The following DOCK3 variants were observed in gnomAD, a reference collection of about 807,000 sequenced individuals.
DOCK3 encodes the protein dedicator of cytokinesis protein 3.
Under a neutral mutation model 265.6 loss-of-function variants are expected in DOCK3, and 60 were observed. That is an observed-to-expected ratio of 0.23 (90% CI 0.18 to 0.28). The LOEUF (loss-of-function observed/expected upper bound fraction) is 0.28, where lower values mean the gene tolerates loss of function less well. DOCK3 is among the 10% of genes least tolerant of loss of function. The pLI, the probability that DOCK3 is intolerant of heterozygous loss-of-function variation, is 1.00. For missense variants in DOCK3, 1,981 were observed against 2,594.3 expected (o/e 0.76, Z 5.14); for synonymous variants, 881 against 938.0 (o/e 0.94, Z 1.11).
chr3:51,362,765 A>T (rs1295083072), intron 49 of DOCK3, 91 bp downstream of exon 49: 2 of 1,505,684 alleles, frequency 1.3e-6, no homozygotes, highest in Non-Finnish European at 1.8e-6. Flanking sequence ...TGTGTCTTTG[A>T]GCAGCCCTGT....
At chr3:51,066,389 AT>A (rs1242113556) in intron 6 of DOCK3, among the ~76,000 whole-genome samples, 15 of 152,304 alleles carry the variant, frequency 9.8e-5, no homozygotes, top group Admixed American at 7.8e-4. Flanking sequence ...AGAGAAGACT[AT>A]TTAAGGGTTT....
intron 39 of DOCK3, among the ~76,000 whole-genome samples, chr3:51,349,287 C>A (rs768202082): frequency 6.6e-6 from 1 of 152,200 alleles, no homozygotes; most frequent in Non-Finnish European, 1.5e-5. Context: ...TTTTTAAGAG[C>A]TTTCCCCACT....
chr3:51,092,101 A>C (rs2082659659), intron 9 of DOCK3, among the ~76,000 whole-genome samples: 1 of 152,138 alleles, frequency 6.6e-6, no homozygotes. Flanking sequence ...GCACCAAACT[A>C]GCTGCAGGAG....
At chr3:50,722,827 A>G (rs1485680563) in intron 1 of DOCK3, among the ~76,000 whole-genome samples, 1 of 140,304 alleles carries the variant, frequency 7.1e-6, no homozygotes, top group East Asian at 2.1e-4. Context: ...GCTGGAGTGC[A>G]GTGGCATGAT....
At chr3:51,080,590 T>C (rs1373816896) in intron 7 of DOCK3, among the ~76,000 whole-genome samples, 1 of 152,194 alleles carries the variant, frequency 6.6e-6, no homozygotes, top group Admixed American at 6.5e-5. Flanking sequence ...TGTGGTATGC[T>C]TTCAGACTAA....
At chr3:50,876,059 A>G (rs1575421181) in intron 3 of DOCK3, among the ~76,000 whole-genome samples, 1 of 152,094 alleles carries the variant, frequency 6.6e-6, no homozygotes. Context: ...ACATAATAAG[A>G]TTACTGCTGC....
At chr3:50,845,300 A>G (rs2046028107) in intron 3 of DOCK3, among the ~76,000 whole-genome samples, 1 of 152,204 alleles carries the variant, frequency 6.6e-6, no homozygotes, top group Non-Finnish European at 1.5e-5. Flanking sequence ...CAGATACTTG[A>G]TTTTATTTTT....
intron 5 of DOCK3, among the ~76,000 whole-genome samples, chr3:51,051,337 G>T (rs1029095020): frequency 6.6e-6 from 1 of 152,208 alleles, no homozygotes; most frequent in African/African-American, 2.4e-5. Flanking sequence ...TGGTGCCCTG[G>T]CAGGGGTGCC....
intron 12 of DOCK3, among the ~76,000 whole-genome samples, chr3:51,162,002 T>C (rs1317360681): frequency 1.3e-5 from 2 of 152,220 alleles, no homozygotes; most frequent in Non-Finnish European, 2.9e-5. Flanking sequence ...AATTCAGTCA[T>C]ATACTCTATC....
intron 12 of DOCK3, among the ~76,000 whole-genome samples, chr3:51,181,716 C>T (rs2087306527): frequency 6.6e-6 from 1 of 152,006 alleles, no homozygotes; most frequent in Non-Finnish European, 1.5e-5. Flanking sequence ...CTGAGGAGTT[C>T]CTGAGAGAGA....
intron 27 of DOCK3, among the ~76,000 whole-genome samples, chr3:51,286,331 A>G (rs1174944134): frequency 6.6e-6 from 1 of 152,226 alleles, no homozygotes; most frequent in East Asian, 1.9e-4. Flanking sequence ...AAACAAATGG[A>G]AAAACATTCC....
intron 19 of DOCK3, among the ~76,000 whole-genome samples, chr3:51,232,043 C>G (rs2078142624): frequency 6.6e-6 from 1 of 152,150 alleles, no homozygotes; most frequent in Admixed American, 6.6e-5. Context: ...AATATACTGC[C>G]TGAGGAAGAA....
chr3:51,263,635 A>G (rs1234589265), intron 23 of DOCK3, among the ~76,000 whole-genome samples: 1 of 152,240 alleles, frequency 6.6e-6, no homozygotes, highest in Non-Finnish European at 1.5e-5. Context: ...CAAATTGGAT[A>G]AAGAGTCAAG....
At chr3:51,346,219 C>T (rs1328311213) in intron 38 of DOCK3, among the ~76,000 whole-genome samples, 1 of 152,024 alleles carries the variant, frequency 6.6e-6, no homozygotes, top group South Asian at 2.1e-4. Flanking sequence ...TATACTGTGC[C>T]ATGTTGGTGT....
intron 27 of DOCK3, among the ~76,000 whole-genome samples, chr3:51,304,259 G>GA (rs1362980041): frequency 6.6e-6 from 1 of 152,064 alleles, no homozygotes; most frequent in Admixed American, 6.5e-5. Flanking sequence ...ACCAGCAGGG[G>GA]AAAAACTGAA....
intron 1 of DOCK3, among the ~76,000 whole-genome samples, chr3:50,722,000 G>A (rs73833248): frequency 0.02 from 3,033 of 152,242 alleles, 121 homozygotes; most frequent in African/African-American, 0.07. Context: ...CACTGAATGG[G>A]GGGTGGAAAT....
chr3:51,247,989 C>T (rs932827671), intron 22 of DOCK3, among the ~76,000 whole-genome samples: 1 of 152,132 alleles, frequency 6.6e-6, no homozygotes, highest in African/African-American at 2.4e-5. Context: ...TTAAGGATAC[C>T]GGAGAAGGCA....
intron 5 of DOCK3, among the ~76,000 whole-genome samples, chr3:50,941,640 T>C (rs946543376): frequency 5.3e-5 from 8 of 152,078 alleles, no homozygotes; most frequent in African/African-American, 1.4e-4. Context: ...TTATTTCTAA[T>C]AGCATAAACT....
Position 50,831,383 on chromosome 3 carries a change from C to G in DOCK3, c.122-10292C>G, listed in dbSNP as rs180823800. On this transcript the variant is annotated intron_variant, in intron 2 of 52. Transcript: ENST00000266037. ...CCTAATGCTATCCCTTCCCTAGTCC[C>G]CCACCCTCTGACATGCCCTGGTGTG... Among the ~76,000 whole-genome samples the G allele has an allele frequency of 2.2e-4, 34 of 152,180 alleles. No individual in the cohort carries two copies. In the East Asian group the frequency reaches 5.8e-3, roughly 26 times the overall value.
Sources: allele counts gnomAD v4.1 joint callset (sites outside exome capture counted in the v4.1 genomes callset), GRCh38; gene constraint gnomAD v4.1.1; transcripts MANE v1.5; gene names NCBI Gene and HGNC (gene_info 2026-07-23, HGNC 2026-07-21).